Variants in SMYD3 observed in about 807,000 individuals in gnomAD.
SMYD3 encodes histone-lysine N-methyltransferase SMYD3.
A neutral mutation model predicts 57.7 loss-of-function variants in SMYD3; 36 were observed. The observed-to-expected ratio is 0.62, with a 90% confidence interval of 0.48 to 0.82. The LOEUF is 0.82. SMYD3 is among the 40% of genes least tolerant of loss of function. The pLI is 0.00. For synonymous variants in SMYD3, 211 were observed against 195.0 expected (o/e 1.08, Z -0.68); for missense variants, 515 against 538.8 (o/e 0.96, Z 0.44).
At chr1:245,960,855 CAG>C (rs2057986362) in intron 5 of SMYD3, among the ~76,000 whole-genome samples, 2 of 152,176 alleles carry the variant, frequency 1.3e-5, no homozygotes, top group South Asian at 4.1e-4. Flanking sequence ...GCATTTTTCA[CAG>C]AGAGAAAAAT....
rs569115868 is a variant in SMYD3, at chr1:246,269,871, C to T, written c.531+57330G>A. On this transcript the variant is annotated intron_variant, in intron 5 of 11. Transcript: ENST00000490107. ...TCCGGGCGTGTACCACCACACCCAG[C>T]GGTCAAGTATTATTCCTGAGTGACT... Among the ~76,000 whole-genome samples the T allele has an allele frequency of 9.9e-4, 150 of 152,266 alleles. 1 individual carries two copies. The highest frequency in any genetic ancestry group is 3.6e-3 in the African/African-American group (148 of 41,550).
intron 5 of SMYD3, among the ~76,000 whole-genome samples, chr1:246,028,437 G>A (rs186161155): frequency 9.7e-4 from 148 of 152,086 alleles, no homozygotes; most frequent in South Asian, 1.5e-3. Context: ...CATCAATAAC[G>A]AAGTAGTGAA....
At chr1:246,309,784 T>G (rs879633156) in intron 5 of SMYD3, among the ~76,000 whole-genome samples, 8 of 152,178 alleles carry the variant, frequency 5.3e-5, no homozygotes, top group Non-Finnish European at 1.2e-4. Context: ...GAAAGGCAGA[T>G]CCCACCCAAT....
chr1:246,005,736 T>G (rs1287713277), intron 5 of SMYD3, among the ~76,000 whole-genome samples: 1 of 152,162 alleles, frequency 6.6e-6, no homozygotes, highest in Non-Finnish European at 1.5e-5. Context: ...CAGAGAATCC[T>G]ATGAAAACTG....
At chr1:245,859,166 C>T (rs2051406508) in intron 9 of SMYD3, among the ~76,000 whole-genome samples, 9 of 152,180 alleles carry the variant, frequency 5.9e-5, no homozygotes, top group Admixed American at 4.6e-4. Flanking sequence ...AACCCAAAAA[C>T]TCACACAACC....
At chr1:246,220,354 C>T (rs2063233901) in intron 5 of SMYD3, among the ~76,000 whole-genome samples, 1 of 151,038 alleles carries the variant, frequency 6.6e-6, no homozygotes, top group Admixed American at 6.6e-5. Flanking sequence ...GCTGCAGACC[C>T]AGGCACCTGC....
chr1:245,862,920 G>T (rs2051632625), intron 9 of SMYD3, among the ~76,000 whole-genome samples: 2 of 152,088 alleles, frequency 1.3e-5, no homozygotes, highest in African/African-American at 4.8e-5. Flanking sequence ...AAACTCAGTG[G>T]GCTATTGATT....
At chr1:246,329,705 A>G (rs1392515476) in intron 4 of SMYD3, among the ~76,000 whole-genome samples, 1 of 152,048 alleles carries the variant, frequency 6.6e-6, no homozygotes, top group Non-Finnish European at 1.5e-5. Flanking sequence ...ATCAGATCCC[A>G]TTTGTCAATT....
intron 1 of SMYD3, among the ~76,000 whole-genome samples, chr1:246,401,792 G>T (rs1572464838): frequency 6.7e-6 from 1 of 148,888 alleles, no homozygotes; most frequent in African/African-American, 2.5e-5. Flanking sequence ...GCACGATCTT[G>T]GCTCACCACA....
At chr1:245,954,285 A>G (rs964167605) in intron 5 of SMYD3, among the ~76,000 whole-genome samples, 3 of 152,200 alleles carry the variant, frequency 2.0e-5, no homozygotes, top group Non-Finnish European at 4.4e-5. Flanking sequence ...TCCTGAGTCA[A>G]TATGGCAATT....
intron 1 of SMYD3, among the ~76,000 whole-genome samples, chr1:246,485,959 G>A (rs1297150499): frequency 6.6e-6 from 1 of 152,144 alleles, no homozygotes; most frequent in Admixed American, 6.6e-5. Flanking sequence ...ATGAGATAAT[G>A]CACACTAAAG....
chr1:246,099,114 T>TAAGTTGAAAATAAATGG (rs1466894903), intron 5 of SMYD3, among the ~76,000 whole-genome samples: 1 of 152,206 alleles, frequency 6.6e-6, no homozygotes, highest in Non-Finnish European at 1.5e-5. Context: ...ATCAGACTGA[T>TAAGTTGAAAATAAATGG]AAGTTGAAAA....
intron 5 of SMYD3, among the ~76,000 whole-genome samples, chr1:246,082,371 A>C (rs2060649954): frequency 6.6e-6 from 1 of 152,160 alleles, no homozygotes; most frequent in South Asian, 2.1e-4. Flanking sequence ...AACGTTTTTC[A>C]GACGTTAGCA....
At chr1:246,259,349 T>C (rs1247980841) in intron 5 of SMYD3, among the ~76,000 whole-genome samples, 1 of 152,224 alleles carries the variant, frequency 6.6e-6, no homozygotes, top group African/African-American at 2.4e-5. Flanking sequence ...TTCTAATTTT[T>C]GTAATTATTT....
intron 8 of SMYD3, among the ~76,000 whole-genome samples, chr1:245,869,336 G>A (rs2052046082): frequency 6.6e-6 from 1 of 152,302 alleles, no homozygotes; most frequent in Middle Eastern, 3.4e-3. Context: ...TGGTTCCAGC[G>A]CTGGTGGCAT....
rs145377769 is a variant in SMYD3 at position 246,258,747 on chromosome 1, G to A, written c.531+68454C>T. ...CTCACAGGTGTTCTCAGGATTTCTT[G>A]TAACTGGATGTCTACCTCTCTAGCA... On this transcript the variant is annotated intron_variant, in intron 5 of 11. Coordinates refer to ENST00000490107, the MANE Select transcript of SMYD3 (RefSeq NM_001167740.2). Among the ~76,000 whole-genome samples the A allele has an allele frequency of 3.7e-4, 57 of 152,270 alleles. 2 individuals are homozygous for A. Among genetic ancestry groups the A allele is most frequent in the African/African-American group, 1.4e-3 (57 of 41,554 alleles).
At chr1:246,479,357 G>A (rs2068073265) in intron 1 of SMYD3, among the ~76,000 whole-genome samples, 1 of 152,180 alleles carries the variant, frequency 6.6e-6, no homozygotes. Context: ...ACTGCCAAAT[G>A]AGTATAAAAA....
At chr1:246,047,351 TATG>T (rs1247381667) in intron 5 of SMYD3, among the ~76,000 whole-genome samples, 1 of 152,224 alleles carries the variant, frequency 6.6e-6, no homozygotes, top group Non-Finnish European at 1.5e-5. Context: ...AGCCAAGTGT[TATG>T]ATAACTTTAA....
At chr1:246,490,659 G>A (rs927347521) in intron 1 of SMYD3, among the ~76,000 whole-genome samples, 3 of 152,160 alleles carry the variant, frequency 2.0e-5, no homozygotes, top group Non-Finnish European at 4.4e-5. Context: ...GACTGCTTGA[G>A]CCCAGGAGAT....
Sources: allele counts gnomAD v4.1 joint callset (sites outside exome capture counted in the v4.1 genomes callset), GRCh38; gene constraint gnomAD v4.1.1; transcripts MANE v1.5; gene names NCBI Gene and HGNC (gene_info 2026-07-23, HGNC 2026-07-21).